The following DMD variants were observed in gnomAD, a reference collection of about 807,000 sequenced individuals.
DMD encodes the protein dystrophin.
DMD carries 63 observed loss-of-function variants against 330.1 expected under a neutral mutation model. The observed-to-expected ratio is 0.19, with a 90% CI of 0.16 to 0.24. DMD has a LOEUF of 0.24. DMD is among the 10% of genes least tolerant of loss of function. The probability of loss-of-function intolerance (pLI) is 1.00; values close to 1 mark genes in which losing one functional copy is unlikely to be tolerated. For synonymous variants in DMD, 1,223 were observed against 959.8 expected (o/e 1.27, Z -5.07); for missense variants, 3,344 against 2,684.1 (o/e 1.25, Z -5.43).
rs894252820 is a variant in DMD, at chrX:33,010,377, T to C, written c.93+9762A>G. The stretch of plus-strand genomic sequence containing the variant: ...GTATGTATATCCATATATATATATA[T>C]ACACATTTTTTAAAAAATAGGTATA... On this transcript the variant is annotated intron_variant, in intron 2 of 78. Transcript: ENST00000357033. Among the ~76,000 whole-genome samples, 36 of 108,541 alleles carry C rather than the reference T, an allele frequency of 3.3e-4. 1 individual carries two copies. Among genetic ancestry groups the C allele is most frequent in the South Asian group, 1.2e-3 (3 of 2,603 alleles). 94.3% of individuals were successfully genotyped at this position (108,541 alleles called of 115,157 possible).
chrX:32,733,813 A>G (rs1361853084), intron 7 of DMD, among the ~76,000 whole-genome samples: 1 of 104,478 alleles, frequency 9.6e-6, no homozygotes, highest in Non-Finnish European at 2.0e-5. Context: ...AGAAAGCAGG[A>G]AAGATCCAAA....
intron 20 of DMD, among the ~76,000 whole-genome samples, chrX:32,485,955 C>A (rs1329284936): frequency 1.8e-5 from 2 of 109,236 alleles, no homozygotes; most frequent in African/African-American, 3.3e-5. Context: ...GTTGGCCAGG[C>A]TGGTCTCAAA....
At chrX:31,507,232 T>C in intron 56 of DMD, 49 bp downstream of exon 56, 2 of 1,172,781 alleles carry the variant, frequency 1.7e-6, no homozygotes, top group Non-Finnish European at 2.3e-6. Context: ...GAGGAAAATT[T>C]GGCCATTTTA....
chrX:32,793,841 G>T (rs2075997503), intron 7 of DMD, among the ~76,000 whole-genome samples: 1 of 111,077 alleles, frequency 9.0e-6, no homozygotes, highest in African/African-American at 3.3e-5. Flanking sequence ...CAATTCTCCT[G>T]TAAGTGTTCC....
intron 60 of DMD, among the ~76,000 whole-genome samples, chrX:31,431,170 CA>C (rs967611123): frequency 2.7e-5 from 3 of 110,391 alleles, no homozygotes; most frequent in Non-Finnish European, 5.7e-5. Flanking sequence ...TTCTCTGTTA[CA>C]AAAAGATAGT....
intron 63 of DMD, among the ~76,000 whole-genome samples, chrX:31,237,116 CA>C (rs905043518): frequency 8.9e-6 from 1 of 112,030 alleles, no homozygotes; most frequent in Non-Finnish European, 1.9e-5. Context: ...GACCTTCTTG[CA>C]AAAAACATTT....
At chrX:31,707,703 A>G (rs767972867) in intron 52 of DMD, among the ~76,000 whole-genome samples, 1 of 111,754 alleles carries the variant, frequency 8.9e-6, no homozygotes, top group Non-Finnish European at 1.9e-5. Flanking sequence ...AGCTTCAACA[A>G]TGACCCCAGA....
intron 18 of DMD, among the ~76,000 whole-genome samples, chrX:32,510,700 T>C (rs113078313): frequency 2.0e-4 from 22 of 111,436 alleles, no homozygotes; most frequent in African/African-American, 6.8e-4. Flanking sequence ...CGAACTCTAA[T>C]AGCTTTATAT....
intron 9 of DMD, among the ~76,000 whole-genome samples, chrX:32,678,684 T>C (rs370012602): frequency 1.8e-5 from 2 of 111,572 alleles, no homozygotes; most frequent in Non-Finnish European, 1.9e-5. Context: ...TCTCTCACAG[T>C]CAGAGTTATA....
intron 74 of DMD, among the ~76,000 whole-genome samples, chrX:31,150,544 G>T (rs900296277): frequency 7.1e-5 from 8 of 112,104 alleles, no homozygotes; most frequent in African/African-American, 2.6e-4. Context: ...GATTTCTGTT[G>T]TTCACAGATG....
intron 7 of DMD, among the ~76,000 whole-genome samples, chrX:32,730,050 G>C (rs2067370130): frequency 8.9e-6 from 1 of 111,948 alleles, no homozygotes; most frequent in African/African-American, 3.2e-5. Flanking sequence ...AATGTAACGT[G>C]GGCCAGGCAC....
At chrX:32,528,299 A>G (rs1375932818) in intron 17 of DMD, among the ~76,000 whole-genome samples, 1 of 109,775 alleles carries the variant, frequency 9.1e-6, no homozygotes, top group Admixed American at 9.9e-5. Context: ...ACAGAACGAG[A>G]CTCAGTCTCA....
chrX:32,801,232 T>C (rs1056898824), intron 7 of DMD, among the ~76,000 whole-genome samples: 1 of 111,872 alleles, frequency 8.9e-6, no homozygotes, highest in African/African-American at 3.3e-5. Flanking sequence ...TAGCATGAGA[T>C]GGTATCTCAT....
intron 2 of DMD, among the ~76,000 whole-genome samples, chrX:33,008,220 G>A (rs1055884530): frequency 2.2e-4 from 24 of 111,177 alleles, no homozygotes; most frequent in African/African-American, 7.5e-4. Context: ...AATAAGCAAA[G>A]CCCTTTTAAA....
intron 1 of DMD, among the ~76,000 whole-genome samples, chrX:33,258,871 C>A (rs111602454): frequency 0.059 from 6,568 of 110,890 alleles, 507 homozygotes; most frequent in African/African-American, 0.2. Flanking sequence ...ACTTTGGTAA[C>A]TGCTTATTAA....
At chrX:33,045,600 A>G (rs998849404) in intron 1 of DMD, among the ~76,000 whole-genome samples, 2 of 110,484 alleles carry the variant, frequency 1.8e-5, no homozygotes, top group African/African-American at 6.6e-5. Context: ...AAGAGGGGGA[A>G]GTTGAGAGAG....
chrX:31,830,062 G>C (rs1006753948), intron 49 of DMD, among the ~76,000 whole-genome samples: 7 of 112,170 alleles, frequency 6.2e-5, no homozygotes, highest in African/African-American at 2.3e-4. Context: ...CCACAATGTT[G>C]TATATTAGCC....
At chrX:31,363,372 CTTTTTTT>C (rs752548187) in intron 60 of DMD, among the ~76,000 whole-genome samples, 24 of 51,880 alleles carry the variant, frequency 4.6e-4, no homozygotes, top group Middle Eastern at 0.027. Context: ...AGACATGTAT[CTTTTTTT>C]TTTTTTTTTT....
At chrX:32,529,963 C>T (rs1367964178) in intron 17 of DMD, among the ~76,000 whole-genome samples, 2 of 111,043 alleles carry the variant, frequency 1.8e-5, no homozygotes, top group African/African-American at 6.5e-5. Flanking sequence ...ATTTTAAGCA[C>T]ATCACTCATA....
Sources: gnomAD v4.1 joint callset for allele counts (sites outside exome capture counted in the v4.1 genomes callset) on GRCh38, gnomAD v4.1.1 for gene constraint, MANE v1.5 for transcripts, NCBI Gene and HGNC (gene_info 2026-07-23, HGNC 2026-07-21) for gene names.